The following ITPR2 variants were observed in gnomAD, a reference collection of about 807,000 sequenced individuals.
ITPR2 encodes the protein inositol 1,4,5-trisphosphate receptor type 2.
ITPR2 carries 207 observed loss-of-function variants against 317.1 expected under a neutral mutation model. That is an observed-to-expected ratio of 0.65 (90% CI 0.58 to 0.73). The LOEUF is 0.73. Among genes scored for constraint, ITPR2 ranks in the 30% least tolerant of loss-of-function variants. The probability of loss-of-function intolerance (pLI) is 0.00; values close to 1 mark genes in which losing one functional copy is unlikely to be tolerated. For missense variants in ITPR2, 2,613 were observed against 3,284.0 expected (o/e 0.80, Z 4.99); for synonymous variants, 1,156 against 1,149.1 (o/e 1.01, Z -0.12).
chr12:26,666,143 T>TAGAG, intron 13 of ITPR2, 92 bp from the exon 14 acceptor site: 2 of 388,360 alleles, frequency 5.1e-6, no homozygotes, highest in East Asian at 7.7e-5. Flanking sequence ...TAGAGATAGA[T>TAGAG]AGATAGATAG....
intron 34 of ITPR2, among the ~76,000 whole-genome samples, chr12:26,567,052 A>G (rs1267857137): frequency 6.6e-6 from 1 of 152,250 alleles, no homozygotes; most frequent in Non-Finnish European, 1.5e-5. Flanking sequence ...TTCTCAAAAC[A>G]TGTTACAAAC....
chr12:26,599,225 C>T lies in ITPR2; in HGVS notation c.3922G>A (p.Glu1308Lys), dbSNP rs1464816552. The T allele has an allele frequency of 1.2e-6, 2 of 1,613,948 alleles. No homozygotes were observed. The highest frequency in any genetic ancestry group is 2.7e-5 in the African/African-American group (2 of 74,896). ...HCIETHGRHV[E>K]YLRFLQTIVK... The stretch of plus-strand genomic sequence containing the variant: ...ATTGTTTGCAAAAACCTCAGGTACT[C>T]CACGTGGCGGCCATGTGTCTCAATG... Residue 1308 changes from glutamate to lysine, a missense_variant, in exon 30 of 57, where the codon GAG (glutamate) becomes AAG (lysine). This residue lies in a region of ITPR2 where 817 missense variants were observed against 897.6 expected (regional missense o/e 0.91). Coordinates refer to ENST00000381340, the MANE Select transcript of ITPR2 (RefSeq NM_002223.4).
At chr12:26,784,475 C>T (rs948828418) in intron 2 of ITPR2, among the ~76,000 whole-genome samples, 8 of 150,838 alleles carry the variant, frequency 5.3e-5, no homozygotes, top group African/African-American at 1.7e-4. Flanking sequence ...CTCAGCCTGC[C>T]GGGTGCCTGC....
At chr12:26,744,423 G>A (rs55754287) in intron 2 of ITPR2, among the ~76,000 whole-genome samples, 24,558 of 152,118 alleles carry the variant, frequency 0.16, 2,758 homozygotes, top group Non-Finnish European at 0.24. Flanking sequence ...ACTCTGCCCC[G>A]ACTCAGGCCT....
intron 23 of ITPR2, among the ~76,000 whole-genome samples, chr12:26,626,318 G>A (rs11048623): frequency 0.11 from 16,400 of 152,154 alleles, 921 homozygotes; most frequent in South Asian, 0.13. Context: ...TCTCCAAAGC[G>A]TAAAAAGAAA....
chr12:26,406,434 T>G (rs1052827746), intron 52 of ITPR2: 2 of 119,186 alleles, frequency 1.7e-5, no homozygotes, highest in Admixed American at 7.6e-5. Context: ...TGAAGTTTTT[T>G]TTTTTTTTTT....
intron 48 of ITPR2, among the ~76,000 whole-genome samples, chr12:26,434,659 A>T (rs764639332): frequency 2.0e-5 from 3 of 152,158 alleles, no homozygotes; most frequent in Non-Finnish European, 2.9e-5. Context: ...CCTAGATTGG[A>T]AACAAAAGGG....
chr12:26,520,854 T>C (rs1430623186), intron 37 of ITPR2, among the ~76,000 whole-genome samples: 2 of 152,236 alleles, frequency 1.3e-5, no homozygotes, highest in Non-Finnish European at 2.9e-5. Flanking sequence ...TAGATATTTA[T>C]GGGGTATGGA....
chr12:26,807,661 A>C (rs1249522257), intron 1 of ITPR2, among the ~76,000 whole-genome samples: 1 of 152,216 alleles, frequency 6.6e-6, no homozygotes, highest in African/African-American at 2.4e-5. Flanking sequence ...ATTATTAAAA[A>C]TTCTGCAAGA....
At position 26,335,486 on chromosome 12, in the gene ITPR2, C is replaced by T. The variant is rs1474482357; in HGVS notation, c.*3911G>A. On this transcript the variant is annotated 3_prime_UTR_variant, in exon 57 of 57. Transcript: ENST00000381340. ...AGTCTTCTTGGTGATATGAGAAATA[C>T]TGGTGTGATAATTTCATAAATTATT... Among the ~76,000 whole-genome samples the T allele has an allele frequency of 6.6e-6, 1 of 152,112 alleles. No homozygotes were observed.
chr12:26,395,503 T>C (rs1427043440), intron 54 of ITPR2, among the ~76,000 whole-genome samples: 1 of 152,216 alleles, frequency 6.6e-6, no homozygotes, highest in African/African-American at 2.4e-5. Context: ...ATATCATGTC[T>C]TAGAATGAGG....
intron 49 of ITPR2, among the ~76,000 whole-genome samples, chr12:26,422,342 ATAAT>A (rs1449140561): frequency 3.3e-5 from 4 of 121,578 alleles, no homozygotes; most frequent in Non-Finnish European, 8.2e-5. Context: ...ATTTAATTAG[ATAAT>A]TTATTAGTTA....
intron 39 of ITPR2, among the ~76,000 whole-genome samples, chr12:26,488,739 G>A (rs1202838031): frequency 1.3e-5 from 2 of 152,116 alleles, no homozygotes; most frequent in African/African-American, 2.4e-5. Context: ...AATATAATGG[G>A]GTTAGAAGGT....
At chr12:26,587,546 C>T (rs888461315) in intron 32 of ITPR2, among the ~76,000 whole-genome samples, 1 of 151,934 alleles carries the variant, frequency 6.6e-6, no homozygotes, top group Non-Finnish European at 1.5e-5. Context: ...AGCAAGGAGG[C>T]CACAGTATGG....
chr12:26,521,766 C>T (rs2136940204), intron 37 of ITPR2, among the ~76,000 whole-genome samples: 1 of 152,246 alleles, frequency 6.6e-6, no homozygotes. Context: ...AACAACAAAG[C>T]CAGACTCAAT....
At chr12:26,613,461 A>C (rs181202819) in intron 26 of ITPR2, among the ~76,000 whole-genome samples, 2 of 152,244 alleles carry the variant, frequency 1.3e-5, no homozygotes, top group East Asian at 3.9e-4. Context: ...AAAATACATA[A>C]AATTTTCAGA....
chr12:26,799,500 A>G (rs1319380100), intron 1 of ITPR2, among the ~76,000 whole-genome samples: 1 of 152,256 alleles, frequency 6.6e-6, no homozygotes, highest in Admixed American at 6.5e-5. Flanking sequence ...TACTGGTGAA[A>G]CTAAGGGGAA....
At chr12:26,623,821 A>C (rs1013189668) in intron 24 of ITPR2, among the ~76,000 whole-genome samples, 2 of 152,218 alleles carry the variant, frequency 1.3e-5, no homozygotes, top group Admixed American at 1.3e-4. Context: ...ATGGCAAAGG[A>C]GGCTAGTCAT....
chr12:26,773,625 TTG>T (rs1949908908), intron 2 of ITPR2, among the ~76,000 whole-genome samples: 1 of 152,212 alleles, frequency 6.6e-6, no homozygotes, highest in Non-Finnish European at 1.5e-5. Context: ...ACACAATTAA[TTG>T]TGTGAGTGCT....
Sources: allele counts gnomAD v4.1 joint callset (sites outside exome capture counted in the v4.1 genomes callset), GRCh38; gene constraint gnomAD v4.1.1; regional missense constraint gnomAD v4.1.1; transcripts MANE v1.5; gene names NCBI Gene and HGNC (gene_info 2026-07-23, HGNC 2026-07-21).